STX8: variants seen among roughly 807,000 people sequenced by gnomAD.
STX8 encodes the protein syntaxin 8.
STX8 carries 23 observed loss-of-function variants against 37.5 expected under a neutral mutation model. The observed-to-expected ratio is 0.61, with a 90% confidence interval of 0.44 to 0.87. The LOEUF is 0.87. Among genes scored for constraint, STX8 ranks in the 40% least tolerant of loss-of-function variants. The pLI is 0.00. For synonymous variants in STX8, 115 were observed against 99.1 expected (o/e 1.16, Z -0.95); for missense variants, 313 against 284.7 (o/e 1.10, Z -0.71).
chr17:9,514,891 G>A (rs561935651), intron 4 of STX8, among the ~76,000 whole-genome samples: 7 of 152,236 alleles, frequency 4.6e-5, no homozygotes, highest in East Asian at 3.9e-4. Flanking sequence ...CTGTACACAC[G>A]CTGTCCCACA....
chr17:9,447,659 GT>G (rs2053899414), intron 6 of STX8, among the ~76,000 whole-genome samples: 3 of 151,868 alleles, frequency 2.0e-5, no homozygotes, highest in Admixed American at 2.0e-4. Context: ...CTGACCTCAA[GT>G]GATCCACCAG....
chr17:9,534,575 G>A (rs893407046), intron 4 of STX8, among the ~76,000 whole-genome samples: 59 of 152,262 alleles, frequency 3.9e-4, no homozygotes, highest in African/African-American at 1.4e-3. Context: ...CGGATCATGA[G>A]GTCAAGAGAT....
intron 7 of STX8, among the ~76,000 whole-genome samples, chr17:9,359,129 A>G (rs2142256587): frequency 6.7e-6 from 1 of 149,246 alleles, no homozygotes; most frequent in South Asian, 2.1e-4. Flanking sequence ...TGCAACCTCC[A>G]TCTCCCGGGT....
intron 7 of STX8, among the ~76,000 whole-genome samples, chr17:9,301,008 A>G (rs1399121119): frequency 2.0e-5 from 3 of 151,004 alleles, no homozygotes; most frequent in South Asian, 2.1e-4. Context: ...AATTTTTTGT[A>G]TTTTTAGTAC....
At chr17:9,275,026 C>T (rs1264932455) in intron 7 of STX8, among the ~76,000 whole-genome samples, 2 of 152,078 alleles carry the variant, frequency 1.3e-5, no homozygotes, top group East Asian at 1.9e-4. Flanking sequence ...GCAGGGATTA[C>T]AGGCATGAGC....
intron 7 of STX8, among the ~76,000 whole-genome samples, chr17:9,300,997 T>A (rs931112570): frequency 1.3e-5 from 2 of 151,732 alleles, no homozygotes; most frequent in African/African-American, 4.8e-5. Context: ...CACGCCCGGC[T>A]AATTTTTTGT....
intron 4 of STX8, among the ~76,000 whole-genome samples, chr17:9,517,783 T>C (rs1239698848): frequency 4.3e-5 from 3 of 69,554 alleles, no homozygotes; most frequent in Non-Finnish European, 7.8e-5. Flanking sequence ...GCAAGACCCC[T>C]ATTGTAAAAA....
chr17:9,520,030 T>C (rs1597721600), intron 4 of STX8, among the ~76,000 whole-genome samples: 1 of 152,202 alleles, frequency 6.6e-6, no homozygotes, highest in Non-Finnish European at 1.5e-5. Context: ...TCCTAAATTA[T>C]GAGCTCTGTG....
intron 7 of STX8, among the ~76,000 whole-genome samples, chr17:9,375,793 A>G (rs919191615): frequency 6.6e-6 from 1 of 152,206 alleles, no homozygotes; most frequent in East Asian, 1.9e-4. Context: ...ATTTCTCATA[A>G]CAATCCTTTG....
chr17:9,303,456 G>C (rs1024987028), intron 7 of STX8, among the ~76,000 whole-genome samples: 4 of 152,172 alleles, frequency 2.6e-5, no homozygotes, highest in Admixed American at 6.5e-5. Flanking sequence ...ACCCTAGTGT[G>C]TGTGTGTGTA....
chr17:9,453,184 A>C (rs1905095255), intron 6 of STX8, among the ~76,000 whole-genome samples: 1 of 152,092 alleles, frequency 6.6e-6, no homozygotes, highest in Admixed American at 6.5e-5. Flanking sequence ...CCGAAAGGTT[A>C]ATTTCCTATG....
intron 7 of STX8, chr17:9,305,771 G>A (rs964986104): frequency 7.9e-6 from 1 of 126,546 alleles, no homozygotes; most frequent in Middle Eastern, 4.4e-3. Flanking sequence ...TTGAGATGGA[G>A]TCTTGCTCTG....
intron 6 of STX8, among the ~76,000 whole-genome samples, chr17:9,437,417 T>G (rs1335458372): frequency 6.6e-6 from 1 of 152,216 alleles, no homozygotes; most frequent in African/African-American, 2.4e-5. Context: ...ACAACAGCTT[T>G]CAGGGAGGGG....
At chr17:9,503,925 C>T (rs1356608164) in intron 5 of STX8, among the ~76,000 whole-genome samples, 2 of 152,068 alleles carry the variant, frequency 1.3e-5, no homozygotes, top group Non-Finnish European at 2.9e-5. Context: ...CCACCACACC[C>T]AGCTAATTTT....
chr17:9,557,922 A>C (rs939386760), intron 2 of STX8, among the ~76,000 whole-genome samples: 5 of 152,192 alleles, frequency 3.3e-5, no homozygotes, highest in African/African-American at 1.2e-4. Flanking sequence ...GCAAAAACCC[A>C]CAGTTCTCTG....
At chr17:9,280,915 C>A (rs543390127) in intron 7 of STX8, among the ~76,000 whole-genome samples, 1 of 152,158 alleles carries the variant, frequency 6.6e-6, no homozygotes, top group Admixed American at 6.6e-5. Flanking sequence ...GTAGGGCACA[C>A]CTCAGTAACA....
chr17:9,404,346 T>A (rs182445340), intron 6 of STX8, among the ~76,000 whole-genome samples: 1 of 152,320 alleles, frequency 6.6e-6, no homozygotes, highest in East Asian at 1.9e-4. Flanking sequence ...ACTTCTTTGC[T>A]TTTTCATTTC....
At chr17:9,422,794 G>A (rs1236389796) in intron 6 of STX8, among the ~76,000 whole-genome samples, 4 of 152,228 alleles carry the variant, frequency 2.6e-5, no homozygotes, top group East Asian at 1.9e-4. Context: ...GACAAGGTTC[G>A]CTGACCCCTA....
intron 6 of STX8, among the ~76,000 whole-genome samples, chr17:9,381,620 A>C (rs576708312): frequency 6.6e-6 from 1 of 152,202 alleles, no homozygotes; most frequent in Non-Finnish European, 1.5e-5. Context: ...ATTCATCCTT[A>C]TACCTCCCAC....
Sources: gnomAD v4.1 joint callset for allele counts (sites outside exome capture counted in the v4.1 genomes callset) on GRCh38, gnomAD v4.1.1 for gene constraint, MANE v1.5 for transcripts, NCBI Gene and HGNC (gene_info 2026-07-23, HGNC 2026-07-21) for gene names.